Variants in NCKAP5 observed in about 807,000 individuals in gnomAD.
NCKAP5 encodes the protein NCK associated protein 5.
Under a neutral mutation model 167.0 loss-of-function variants are expected in NCKAP5, and 92 were observed. That is an observed-to-expected ratio of 0.55 (90% CI 0.47 to 0.66). The LOEUF (loss-of-function observed/expected upper bound fraction) is 0.66, where lower values mean the gene tolerates loss of function less well. NCKAP5 is among the 30% of genes least tolerant of loss of function. The pLI is 0.00. For missense variants in NCKAP5, 2,378 were observed against 2,315.0 expected (o/e 1.03, Z -0.56); for synonymous variants, 891 against 877.4 (o/e 1.02, Z -0.27).
At chr2:132,927,025 G>T (rs1011105262) in intron 8 of NCKAP5, among the ~76,000 whole-genome samples, 1 of 152,084 alleles carries the variant, frequency 6.6e-6, no homozygotes, top group African/African-American at 2.4e-5. Flanking sequence ...TTAAGGCTTT[G>T]ATTCATCATT....
chr2:133,626,136 G>A, the NCKAP5 span, among the ~76,000 whole-genome samples: 1 of 152,142 alleles, frequency 6.6e-6, no homozygotes, highest in African/African-American at 2.4e-5. Flanking sequence ...AGTTGGAAAG[G>A]ATAGAATTAG....
intron 5 of NCKAP5, among the ~76,000 whole-genome samples, chr2:133,157,302 G>A (rs188804625): frequency 3.3e-5 from 5 of 152,236 alleles, no homozygotes; most frequent in Admixed American, 3.3e-4. Flanking sequence ...GCAATAATAA[G>A]CATTTGCTAC....
chr2:133,016,292 T>C (rs529134340), intron 6 of NCKAP5, among the ~76,000 whole-genome samples: 2 of 152,256 alleles, frequency 1.3e-5, no homozygotes, highest in East Asian at 3.9e-4. Flanking sequence ...AGTCTGACGA[T>C]TTATAACAGA....
intron 4 of NCKAP5, among the ~76,000 whole-genome samples, chr2:133,300,655 A>AACCC (rs1205034913): frequency 8.2e-6 from 1 of 122,382 alleles, no homozygotes; most frequent in African/African-American, 3.4e-5. Flanking sequence ...ATCTATGACA[A>AACCC]ACCCACAGCC....
chr2:132,698,970 C>T (rs1457384026), intron 19 of NCKAP5, among the ~76,000 whole-genome samples: 1 of 152,218 alleles, frequency 6.6e-6, no homozygotes, highest in African/African-American at 2.4e-5. Flanking sequence ...CTGATACACA[C>T]TCAAGCTTCA....
chr2:133,377,758 ATACCACATGAGG>A (rs1336152548), intron 3 of NCKAP5, among the ~76,000 whole-genome samples: 3 of 152,226 alleles, frequency 2.0e-5, no homozygotes, highest in Non-Finnish European at 4.4e-5. Flanking sequence ...AAAAGAACAC[ATACCACATGAGG>A]TAGGGGACTC....
At chr2:132,705,272 A>C (rs1010828729) in intron 19 of NCKAP5, among the ~76,000 whole-genome samples, 2 of 151,976 alleles carry the variant, frequency 1.3e-5, no homozygotes, top group African/African-American at 4.8e-5. Flanking sequence ...ATCCTTAAAA[A>C]AAACCCTCTC....
rs74731670 is a variant in NCKAP5, at chr2:133,464,802, C to T, written c.69+52656G>A. On this transcript the variant is annotated intron_variant, in intron 3 of 19. Coordinates refer to ENST00000409261, the MANE Select transcript of NCKAP5 (RefSeq NM_207363.3). ...AAACTTGGATGCCACCTTGTCATTGCCTTCAGCTTTGTCTGGACTGAGACT... is the reference window on the plus strand; with the variant it reads ...AAACTTGGATGCCACCTTGTCATTGTCTTCAGCTTTGTCTGGACTGAGACT... Among the ~76,000 whole-genome samples the T allele has an allele frequency of 9.2e-5, 14 of 152,108 alleles. No individual in the cohort carries two copies. In the East Asian group the frequency reaches 2.1e-3, roughly 23 times the overall value.
intron 4 of NCKAP5, among the ~76,000 whole-genome samples, chr2:133,242,249 C>CTT (rs764246319): frequency 6.1e-4 from 85 of 140,242 alleles, no homozygotes; most frequent in African/African-American, 1.9e-3. Context: ...TTTTTCTTTT[C>CTT]TTTTCTTTTC....
intron 6 of NCKAP5, among the ~76,000 whole-genome samples, chr2:133,096,150 C>T (rs745409234): frequency 2.0e-5 from 3 of 152,196 alleles, no homozygotes; most frequent in South Asian, 2.1e-4. Context: ...AAACCTAATA[C>T]GAACCAATCT....
At chr2:133,606,875 A>G in the NCKAP5 span, among the ~76,000 whole-genome samples, 1 of 152,186 alleles carries the variant, frequency 6.6e-6, no homozygotes, top group Non-Finnish European at 1.5e-5. Context: ...TTTGCCCCAG[A>G]TATTGCCCAT....
intron 4 of NCKAP5, among the ~76,000 whole-genome samples, chr2:133,268,672 CG>C (rs2089364001): frequency 6.6e-6 from 1 of 151,810 alleles, no homozygotes; most frequent in South Asian, 2.1e-4. Context: ...TTAGTAGAGA[CG>C]GGGTTTCACC....
chr2:133,250,360 C>A (rs957376260), intron 4 of NCKAP5, among the ~76,000 whole-genome samples: 5 of 152,112 alleles, frequency 3.3e-5, no homozygotes, highest in Non-Finnish European at 5.9e-5. Flanking sequence ...CTGGACAGCT[C>A]AGCCCTCTGC....
chr2:133,659,330 C>A, the NCKAP5 span, among the ~76,000 whole-genome samples: 1 of 152,150 alleles, frequency 6.6e-6, no homozygotes, highest in African/African-American at 2.4e-5. Flanking sequence ...ACACCATCTA[C>A]AAAAATTACC....
At chr2:132,957,764 T>C (rs149670314) in intron 8 of NCKAP5, among the ~76,000 whole-genome samples, 4 of 152,310 alleles carry the variant, frequency 2.6e-5, no homozygotes, top group African/African-American at 7.2e-5. Context: ...CCTGTCTTGT[T>C]TGCTATAGGT....
At chr2:133,476,519 T>C (rs1679912692) in intron 3 of NCKAP5, among the ~76,000 whole-genome samples, 1 of 152,340 alleles carries the variant, frequency 6.6e-6, no homozygotes, top group Admixed American at 6.5e-5. Context: ...CATTGATGGA[T>C]AAGTCATCGA....
intron 6 of NCKAP5, among the ~76,000 whole-genome samples, chr2:133,031,600 G>A (rs1470946710): frequency 6.6e-6 from 1 of 151,790 alleles, no homozygotes; most frequent in African/African-American, 2.4e-5. Flanking sequence ...TGGCGGGTGG[G>A]TGGGGCATGT....
intron 6 of NCKAP5, among the ~76,000 whole-genome samples, chr2:132,995,153 T>G (rs1486203049): frequency 6.6e-6 from 1 of 152,106 alleles, no homozygotes; most frequent in Admixed American, 6.5e-5. Context: ...CACTGCAAAC[T>G]TACACTGCAC....
intron 5 of NCKAP5, among the ~76,000 whole-genome samples, chr2:133,187,193 C>T (rs1449387383): frequency 6.6e-6 from 1 of 151,950 alleles, no homozygotes; most frequent in Non-Finnish European, 1.5e-5. Flanking sequence ...TTTGTTTCTG[C>T]TTTAACTTTG....
Sources: allele counts gnomAD v4.1 joint callset (sites outside exome capture counted in the v4.1 genomes callset), GRCh38; gene constraint gnomAD v4.1.1; transcripts MANE v1.5; gene names NCBI Gene and HGNC (gene_info 2026-07-23, HGNC 2026-07-21).